Variants in HMGN1 observed in about 807,000 individuals in gnomAD.
The protein encoded by HMGN1 is non-histone chromosomal protein HMG-14.
In HMGN1, 9 loss-of-function variants were observed where a neutral mutation model predicts 18.4. The ratio of observed to expected loss-of-function variants is 0.49; its 90% CI spans 0.29 to 0.85. HMGN1 has a LOEUF of 0.85. Ranked by LOEUF, HMGN1 falls within the 40% of genes least tolerant of loss-of-function variation. HMGN1 has a pLI of 0.07. For missense variants in HMGN1, 151 were observed against 119.2 expected (o/e 1.27, Z -1.24); for synonymous variants, 59 against 45.0 (o/e 1.31, Z -1.24).
intron 4 of HMGN1, 189 bp downstream of exon 4, chr21:39,348,103 T>G: frequency 1.1e-6 from 1 of 882,502 alleles, no homozygotes; most frequent in East Asian, 2.7e-5. Context: ...GCAGCATTAG[T>G]GTGATATAGT....
intron 4 of HMGN1, 66 bp downstream of exon 4, chr21:39,348,226 G>A (rs954499752): frequency 1.3e-5 from 21 of 1,566,646 alleles, no homozygotes; most frequent in South Asian, 8.9e-5. Flanking sequence ...CAAAATGGAA[G>A]CCCCGCATTA....
chr21:39,345,110 C>CACACACACAA, intron 5 of HMGN1, 36 bp downstream of exon 5: 1 of 312,564 alleles, frequency 3.2e-6, no homozygotes, highest in Non-Finnish European at 3.9e-6. Context: ...TCAAAGCAAT[C>CACACACACAA]ACACACACAC....
chr21:39,345,295 A>AT (rs1215986997), intron 4 of HMGN1, 21 bp from the exon 5 acceptor site: 11 of 1,600,682 alleles, frequency 6.9e-6, no homozygotes, highest in Admixed American at 3.3e-5. Flanking sequence ...ATAAGAATAT[A>AT]TTTTAAGTAC....
At chr21:39,343,607 G>GT (rs2036939556) in intron 5 of HMGN1, among the ~76,000 whole-genome samples, 4 of 152,230 alleles carry the variant, frequency 2.6e-5, no homozygotes, top group African/African-American at 9.6e-5. Context: ...GAACGTATGT[G>GT]TTGGAGGGCT....
intron 4 of HMGN1, 63 bp from the exon 5 acceptor site, chr21:39,345,337 C>CT (rs1320701481): frequency 1.3e-6 from 2 of 1,522,514 alleles, no homozygotes; most frequent in East Asian, 2.3e-5. Context: ...TTTTGTTTTA[C>CT]TTTTTCCCCT....
chr21:39,348,522 C>T, intron 2 of HMGN1, 23 bp downstream of exon 2: 1 of 1,613,578 alleles, frequency 6.2e-7, no homozygotes. Context: ...ACCCACCACC[C>T]CCCGCAGAAG....
chr21:39,346,833 C>T (rs2037071072), intron 4 of HMGN1: 2 of 152,124 alleles, frequency 1.3e-5, no homozygotes, highest in South Asian at 4.1e-4. Flanking sequence ...TTTGGGAAAA[C>T]TGACCTCATA....
Position 39,345,133 on chromosome 21 carries a change from A to ACACACACACG in HMGN1, c.255+12_255+13insCGTGTGTGTG, listed in dbSNP as rs777086824. On this transcript the variant is annotated intron_variant, in intron 5 of 5. Transcript: ENST00000380749. Reference sequence around the variant, plus strand: ...ATCACACACACACACACACACACACACACACTTCTGACCTCCTCAGTCTTC... The same window carrying ACACACACACG: ...ATCACACACACACACACACACACACACACACACACGCACACTTCTGACCTCCTCAGTCTTC... 2 of 1,573,538 alleles carry ACACACACACG rather than the reference A, an allele frequency of 1.3e-6. No homozygotes were observed. Among genetic ancestry groups the ACACACACACG allele is most frequent in the African/African-American group, 2.7e-5 (2 of 73,320 alleles).
Position 39,342,925 on chromosome 21 carries a change from A to G in HMGN1, c.*187T>C. ...TGTACCAAAAAATAAACAACCAGCA[A>G]ATGATTTCACCTCTTAAAAAAAAGC... is the stretch of plus-strand genomic sequence containing the variant. On this transcript the variant is annotated 3_prime_UTR_variant, in exon 6 of 6. Transcript: ENST00000380749. The G allele has an allele frequency of 7.9e-7, 1 of 1,262,016 alleles. No homozygotes were observed. Among genetic ancestry groups the G allele is most frequent in the South Asian group, 1.3e-5 (1 of 77,334 alleles). 78.2% of individuals were successfully genotyped at this position (1,262,016 alleles called of 1,614,324 possible).
At chr21:39,347,384 T>C (rs998199631) in intron 4 of HMGN1, 4 of 1,195,254 alleles carry the variant, frequency 3.3e-6, no homozygotes, top group African/African-American at 1.6e-5. Flanking sequence ...TATACCTTTA[T>C]TTAACAAGGA....
intron 5 of HMGN1, among the ~76,000 whole-genome samples, chr21:39,343,746 G>C (rs866585763): frequency 6.6e-6 from 1 of 152,180 alleles, no homozygotes; most frequent in Non-Finnish European, 1.5e-5. Flanking sequence ...AAAATGTTGT[G>C]ATCAGAGGTT....
chr21:39,347,971 GAAGT>G lies in HMGN1; in HGVS notation c.126+317_126+320del, dbSNP rs143833903. 16,021 of 1,216,720 alleles carry G rather than the reference GAAGT, an allele frequency of 0.013. 1,650 individuals are homozygous for G. In the African/African-American group the frequency reaches 0.23, roughly 17 times the overall value. The allele number at this position is 1,216,720 out of a possible 1,614,324, so 75.4% of individuals were successfully genotyped here. On this transcript the variant is annotated intron_variant, in intron 4 of 5. Transcript: ENST00000380749. The stretch of plus-strand genomic sequence containing the variant: ...CTTGACTCTTTTATTGTCAAAAAAG[GAAGT>G]ACAAGCACGAATTAAAAGCCAAGCA...
chr21:39,345,436 A>C, intron 4 of HMGN1, 162 bp from the exon 5 acceptor site: 1 of 655,952 alleles, frequency 1.5e-6, no homozygotes, highest in Non-Finnish European at 2.6e-6. Flanking sequence ...TGAAACCCCA[A>C]TCTTCAAGCT....
chr21:39,346,203 A>T (rs938684690), intron 4 of HMGN1: 2 of 346,398 alleles, frequency 5.8e-6, no homozygotes, highest in African/African-American at 4.3e-5. Context: ...CATAAAGACA[A>T]GCAAGTAGAG....
chr21:39,349,036 T>C lies in HMGN1; in HGVS notation c.-119A>G. The C allele has an allele frequency of 9.0e-7, 1 of 1,107,868 alleles. No homozygotes were observed. Among genetic ancestry groups the C allele is most frequent in the Non-Finnish European group, 1.1e-6 (1 of 887,996 alleles). The allele number at this position is 1,107,868 out of a possible 1,614,324, so 68.6% of individuals were successfully genotyped here. A position where few individuals can be genotyped will look rare whatever the true frequency, so the allele number is the denominator to read the frequency against. On this transcript the variant is annotated 5_prime_UTR_variant, in exon 1 of 6. Coordinates refer to ENST00000380749, the MANE Select transcript of HMGN1 (RefSeq NM_004965.7). ...TGGGCTGCCTTGCCGCTGCCACTCC[T>C]CCCGCCGCCCGAGCTGCTGAGACCC...
At chr21:39,346,754 C>T (rs780658560) in intron 4 of HMGN1, 2 of 152,210 alleles carry the variant, frequency 1.3e-5, no homozygotes, top group Non-Finnish European at 2.9e-5. Context: ...GTCTGATCAA[C>T]CATGAAGTCA....
intron 4 of HMGN1, 91 bp downstream of exon 4, chr21:39,348,201 G>A (rs940342443): frequency 6.1e-6 from 9 of 1,475,914 alleles, no homozygotes; most frequent in South Asian, 3.4e-5. Flanking sequence ...TATAAATAAA[G>A]CTCCAATAGC....
intron 5 of HMGN1, 114 bp downstream of exon 5, chr21:39,345,031 TG>T: frequency 8.0e-7 from 1 of 1,252,034 alleles, no homozygotes; most frequent in Non-Finnish European, 1.1e-6. Flanking sequence ...TACAAAACTT[TG>T]TTCAATATTA....
intron 4 of HMGN1, chr21:39,346,240 G>A (rs189466304): frequency 5.5e-5 from 18 of 329,644 alleles, no homozygotes; most frequent in African/African-American, 3.2e-4. Flanking sequence ...TAACACGGGC[G>A]GAAAAATCAC....
Sources: gnomAD v4.1 joint callset for allele counts (sites outside exome capture counted in the v4.1 genomes callset) on GRCh38, gnomAD v4.1.1 for gene constraint, MANE v1.5 for transcripts, NCBI Gene and HGNC (gene_info 2026-07-23, HGNC 2026-07-21) for gene names.